The following PRKD3 variants were observed in gnomAD, a reference collection of about 807,000 sequenced individuals.
The protein encoded by PRKD3 is protein kinase D3.
In PRKD3, 47 loss-of-function variants were observed where a neutral mutation model predicts 99.2. That is an observed-to-expected ratio of 0.47 (90% CI 0.38 to 0.60). The LOEUF (loss-of-function observed/expected upper bound fraction) is 0.60. Ranked by LOEUF, PRKD3 falls within the 20% of genes least tolerant of loss-of-function variation. The probability of loss-of-function intolerance (pLI) is 0.00; values close to 1 mark genes in which losing one functional copy is unlikely to be tolerated. For missense variants in PRKD3, 1,019 were observed against 1,088.4 expected, an observed-to-expected ratio of 0.94 and a Z score of 0.90; for synonymous variants, 392 against 355.4, an observed-to-expected ratio of 1.10 and a Z score of -1.16.
intron 2 of PRKD3, among the ~76,000 whole-genome samples, chr2:37,302,965 T>C (rs1398219204): frequency 6.6e-6 from 1 of 152,180 alleles, no homozygotes; most frequent in Non-Finnish European, 1.5e-5. Flanking sequence ...TGATTGGTTC[T>C]TTCTAAATGT....
At position 37,254,285 on chromosome 2, in the gene PRKD3, AATTGCT is replaced by A. The variant is rs950567120; in HGVS notation, c.2414-2_2417del. 6.2e-7 allele frequency: 1 copy of A among 1,612,208 alleles called. No homozygotes were observed. The highest frequency in any genetic ancestry group is 8.5e-7 in the Non-Finnish European group (1 of 1,178,404). On this transcript the variant is annotated splice_acceptor_variant and coding_sequence_variant, in exon 18 of 19. Coordinates refer to ENST00000234179, the MANE Select transcript of PRKD3 (RefSeq NM_005813.6). LOFTEE classifies it high-confidence loss of function. Reference sequence around the variant, plus strand: ...CTTGAAGCAGATTGTTTATCAGATCAATTGCTAAGGGAAAAGACAAAACAAGATACA... The same window carrying A: ...CTTGAAGCAGATTGTTTATCAGATCAAAGGGAAAAGACAAAACAAGATACA...
chr2:37,316,175 A>G (rs1671646064), intron 2 of PRKD3, 62 bp downstream of exon 2: 3 of 1,467,784 alleles, frequency 2.0e-6, no homozygotes, highest in African/African-American at 1.4e-5. Flanking sequence ...TGGTACACGT[A>G]TAATTTATAG....
At chr2:37,311,928 T>C (rs1018613914) in intron 2 of PRKD3, among the ~76,000 whole-genome samples, 8 of 152,224 alleles carry the variant, frequency 5.3e-5, no homozygotes, top group Non-Finnish European at 1.0e-4. Context: ...CAGTCTGGGT[T>C]GAAAACCACT....
intron 7 of PRKD3, among the ~76,000 whole-genome samples, chr2:37,282,046 G>T (rs1669878979): frequency 6.6e-6 from 1 of 152,164 alleles, no homozygotes; most frequent in South Asian, 2.1e-4. Context: ...AGACCATATG[G>T]GTTTAACTTC....
chr2:37,310,343 G>C (rs1357093372), intron 2 of PRKD3, among the ~76,000 whole-genome samples: 1 of 152,066 alleles, frequency 6.6e-6, no homozygotes, highest in African/African-American at 2.4e-5. Context: ...CTAAGTATTG[G>C]GCTAAGCATT....
chr2:37,317,873 G>T (rs1671730378), intron 1 of PRKD3: 1 of 152,006 alleles, frequency 6.6e-6, no homozygotes, highest in South Asian at 2.1e-4. Context: ...CATTTGGGGT[G>T]GTGTGGCTGT....
chr2:37,315,738 A>G (rs1454820595), intron 2 of PRKD3, among the ~76,000 whole-genome samples: 1 of 152,188 alleles, frequency 6.6e-6, no homozygotes, highest in African/African-American at 2.4e-5. Flanking sequence ...ATGTTTTCAG[A>G]CTGAGTCTCA....
intron 2 of PRKD3, among the ~76,000 whole-genome samples, chr2:37,312,246 C>T (rs1413786606): frequency 6.6e-6 from 1 of 152,048 alleles, no homozygotes; most frequent in Non-Finnish European, 1.5e-5. Flanking sequence ...CTGCATTTGT[C>T]AAAATATATG....
chr2:37,265,416 A>C (rs903379931), intron 14 of PRKD3, among the ~76,000 whole-genome samples: 6 of 152,170 alleles, frequency 3.9e-5, no homozygotes, highest in Admixed American at 1.3e-4. Flanking sequence ...GTACTAATAG[A>C]ATATTCTAGA....
intron 4 of PRKD3, among the ~76,000 whole-genome samples, chr2:37,290,660 T>G: frequency 6.6e-6 from 1 of 152,228 alleles, no homozygotes; most frequent in East Asian, 1.9e-4. Flanking sequence ...AGAATGTATT[T>G]TACGAGAAAT....
At chr2:37,263,532 T>C (rs1229628726) in intron 14 of PRKD3, among the ~76,000 whole-genome samples, 1 of 152,182 alleles carries the variant, frequency 6.6e-6, no homozygotes, top group Non-Finnish European at 1.5e-5. Flanking sequence ...TTTCTCCTTG[T>C]TTTTAGTTTT....
chr2:37,279,710 C>A (rs1669745310), intron 8 of PRKD3, 36 bp downstream of exon 8: 1 of 1,530,918 alleles, frequency 6.5e-7, no homozygotes, highest in Non-Finnish European at 8.8e-7. Flanking sequence ...ACTGACCTTG[C>A]ATCTGGAAGT....
Position 37,289,391 on chromosome 2 carries a change from G to A in PRKD3, c.682C>T (p.Leu228=), listed in dbSNP as rs745716346. ...PGPGLSVPRP[L]QPEYVALPSE... is the part of the protein sequence containing the mutation. ...GGAAGGGCTACATATTCAGGCTGTA[G>A]GGGTCTTGGAACTGAGAGGCCGGGT... The change falls in exon 5 of 19, where the codon CTA becomes TTA. Residue 228 remains leucine (L), a synonymous_variant. Coordinates refer to ENST00000234179, the MANE Select transcript of PRKD3 (RefSeq NM_005813.6). 1.2e-6 allele frequency: 2 copies of A among 1,614,008 alleles called. No individual in the cohort carries two copies. Among genetic ancestry groups the A allele is most frequent in the Non-Finnish European group, 1.7e-6 (2 of 1,180,022 alleles).
intron 1 of PRKD3, among the ~76,000 whole-genome samples, chr2:37,322,935 C>T (rs1406545707): frequency 6.6e-6 from 1 of 150,884 alleles, no homozygotes; most frequent in Non-Finnish European, 1.5e-5. Context: ...TAAAAACGAA[C>T]AATTAACTCC....
At chr2:37,311,749 G>A (rs1183633916) in intron 2 of PRKD3, among the ~76,000 whole-genome samples, 1 of 152,124 alleles carries the variant, frequency 6.6e-6, no homozygotes, top group East Asian at 1.9e-4. Flanking sequence ...TCTTCAGATT[G>A]TTACTTATCT....
At chr2:37,284,429 C>T (rs1353632566) in intron 6 of PRKD3, among the ~76,000 whole-genome samples, 1 of 152,044 alleles carries the variant, frequency 6.6e-6, no homozygotes, top group East Asian at 1.9e-4. Flanking sequence ...TATTTTAGTT[C>T]CTCTACAAAA....
At position 37,316,957 on chromosome 2, in the gene PRKD3, T is replaced by C. The variant is rs947196814; in HGVS notation, c.-433A>G. The C allele has an allele frequency of 3.1e-5, 31 of 998,812 alleles. No individual in the cohort carries two copies. The African/African-American group carries it at 5.0e-4, about 16-fold the overall frequency. 61.9% of individuals were successfully genotyped at this position (998,812 alleles called of 1,614,324 possible). On this transcript the variant is annotated 5_prime_UTR_variant, in exon 2 of 19. Transcript: ENST00000234179. ...CTTCGTTTAAAAAACAGTAAGTGTTTTGGATTAATCTATTCAGTACTTTTC... is the reference window on the plus strand; with the variant it reads ...CTTCGTTTAAAAAACAGTAAGTGTTCTGGATTAATCTATTCAGTACTTTTC...
At chr2:37,289,296 A>G (rs186671286) in intron 5 of PRKD3, 60 bp downstream of exon 5, 731 of 1,551,694 alleles carry the variant, frequency 4.7e-4, no homozygotes, top group Non-Finnish European at 6.1e-4. Flanking sequence ...GATGTCATAC[A>G]CCCTGTAGAA....
At chr2:37,280,002 A>C (rs1572655676) in intron 7 of PRKD3, 73 bp from the exon 8 acceptor site, 2 of 1,018,750 alleles carry the variant, frequency 2.0e-6, no homozygotes, top group East Asian at 5.3e-5. Flanking sequence ...AAAAAGTCTT[A>C]AGAGTCTTAA....
Sources: gnomAD v4.1 joint callset for allele counts (sites outside exome capture counted in the v4.1 genomes callset) on GRCh38, gnomAD v4.1.1 for gene constraint, MANE v1.5 for transcripts, NCBI Gene and HGNC (gene_info 2026-07-23, HGNC 2026-07-21) for gene names.